The following GPAT3 variants were observed in gnomAD, a reference collection of about 807,000 sequenced individuals.
GPAT3 encodes 1-AGP acyltransferase 9.
In GPAT3, 53 loss-of-function variants were observed where a neutral mutation model predicts 58.8. The ratio of observed to expected loss-of-function variants is 0.90; its 90% CI spans 0.72 to 1.13. The LOEUF is 1.13. GPAT3 is among the 50% of genes most tolerant of loss of function. GPAT3 has a pLI of 0.00. For synonymous variants in GPAT3, 197 were observed against 187.4 expected (o/e 1.05, Z -0.42); for missense variants, 511 against 527.6 (o/e 0.97, Z 0.31).
intron 2 of GPAT3, among the ~76,000 whole-genome samples, chr4:83,556,776 G>A (rs1348757722): frequency 1.4e-4 from 21 of 150,772 alleles, no homozygotes; most frequent in Non-Finnish European, 1.9e-4. Flanking sequence ...TCTCATCTAC[G>A]GTTCTCAAAA....
intron 2 of GPAT3, among the ~76,000 whole-genome samples, chr4:83,551,728 G>A (rs1362367816): frequency 2.0e-5 from 3 of 148,450 alleles, no homozygotes; most frequent in African/African-American, 7.5e-5. Context: ...GGAGGCAGAG[G>A]TTGTAGTGAG....
chr4:83,575,090 A>G (rs900445289), intron 2 of GPAT3, among the ~76,000 whole-genome samples: 1 of 151,758 alleles, frequency 6.6e-6, no homozygotes, highest in Non-Finnish European at 1.5e-5. Flanking sequence ...GTTAGCCAGG[A>G]TGGTCTCGAT....
chr4:83,599,131 C>T (rs528377676), intron 11 of GPAT3, among the ~76,000 whole-genome samples: 1 of 152,070 alleles, frequency 6.6e-6, no homozygotes, highest in African/African-American at 2.4e-5. Context: ...TGTCATTTAT[C>T]ATTCTAGTCA....
At chr4:83,560,535 G>A (rs1345798681) in intron 2 of GPAT3, among the ~76,000 whole-genome samples, 1 of 152,188 alleles carries the variant, frequency 6.6e-6, no homozygotes, top group Non-Finnish European at 1.5e-5. Context: ...ACTGAGGACA[G>A]ATTTTGTGGG....
chr4:83,582,991 C>T (rs1390110376), intron 3 of GPAT3, among the ~76,000 whole-genome samples: 1 of 152,112 alleles, frequency 6.6e-6, no homozygotes. Context: ...TATTAGAGCT[C>T]TTATTTACTA....
chr4:83,593,402 G>A (rs1726685283), intron 6 of GPAT3, among the ~76,000 whole-genome samples: 1 of 152,008 alleles, frequency 6.6e-6, no homozygotes, highest in African/African-American at 2.4e-5. Flanking sequence ...CTGACCTCAA[G>A]TAATCCTCCC....
chr4:83,571,812 A>G (rs1301583336), intron 2 of GPAT3, among the ~76,000 whole-genome samples: 1 of 151,534 alleles, frequency 6.6e-6, no homozygotes, highest in Non-Finnish European at 1.5e-5. Context: ...TCCCTCTTTT[A>G]TCCAGGCTGG....
At chr4:83,545,585 T>G (rs1724476286) in intron 2 of GPAT3, among the ~76,000 whole-genome samples, 2 of 152,216 alleles carry the variant, frequency 1.3e-5, no homozygotes, top group East Asian at 3.8e-4. Context: ...TTGGAGTATT[T>G]TTGTATAATT....
At chr4:83,537,993 G>A (rs2110066657) in intron 1 of GPAT3, among the ~76,000 whole-genome samples, 1 of 152,280 alleles carries the variant, frequency 6.6e-6, no homozygotes, top group Non-Finnish European at 1.5e-5. Context: ...CACCTTAGAA[G>A]GCTGCCTGCA....
intron 9 of GPAT3, among the ~76,000 whole-genome samples, chr4:83,597,846 T>C (rs979013433): frequency 6.6e-6 from 1 of 152,190 alleles, no homozygotes; most frequent in Non-Finnish European, 1.5e-5. Context: ...GTGTGCTCTT[T>C]GGTTCTATTT....
At chr4:83,541,231 T>C (rs1013278079) in intron 1 of GPAT3, among the ~76,000 whole-genome samples, 9 of 151,924 alleles carry the variant, frequency 5.9e-5, no homozygotes, top group African/African-American at 1.9e-4. Context: ...ACTTAAACTT[T>C]GCATATCTTT....
intron 3 of GPAT3, among the ~76,000 whole-genome samples, chr4:83,586,293 G>C (rs1237329484): frequency 6.6e-6 from 1 of 152,156 alleles, no homozygotes; most frequent in African/African-American, 2.4e-5. Flanking sequence ...GCTTCACCCT[G>C]GAGAGGGTTA....
intron 11 of GPAT3, among the ~76,000 whole-genome samples, chr4:83,603,355 A>T (rs961519651): frequency 5.9e-5 from 9 of 152,176 alleles, no homozygotes; most frequent in Admixed American, 3.9e-4. Flanking sequence ...GAGTTCAAAG[A>T]TTTACAGGCT....
intron 2 of GPAT3, among the ~76,000 whole-genome samples, chr4:83,573,132 T>TTTTA (rs919003034): frequency 1.3e-5 from 2 of 152,200 alleles, no homozygotes; most frequent in African/African-American, 4.8e-5. Context: ...TTTTATTTTA[T>TTTTA]TTTATTTATT....
intron 10 of GPAT3, 132 bp from the exon 11 acceptor site, chr4:83,598,512 T>C (rs1726933463): frequency 3.5e-6 from 3 of 859,502 alleles, no homozygotes; most frequent in South Asian, 1.5e-5. Context: ...TTTGCTATGA[T>C]TGATTAAGAA....
intron 8 of GPAT3, among the ~76,000 whole-genome samples, 168 bp from the exon 9 acceptor site, chr4:83,597,262 G>T (rs1726877836): frequency 6.6e-6 from 1 of 152,140 alleles, no homozygotes; most frequent in Admixed American, 6.5e-5. Context: ...TGCTTAGTCA[G>T]AACTATAGGA....
upstream of GPAT3, chr4:83,535,844 A>G: frequency 1.0e-6 from 1 of 985,468 alleles, no homozygotes. Context: ...CACCCACACA[A>G]ACAAGACCTC....
At chr4:83,545,881 A>T (rs949096762) in intron 2 of GPAT3, among the ~76,000 whole-genome samples, 1 of 152,152 alleles carries the variant, frequency 6.6e-6, no homozygotes, top group Non-Finnish European at 1.5e-5. Context: ...GTTGATCTTG[A>T]GAGAAAATCA....
chr4:83,549,444 C>T (rs377485058), intron 2 of GPAT3, among the ~76,000 whole-genome samples: 10 of 145,748 alleles, frequency 6.9e-5, no homozygotes, highest in Non-Finnish European at 1.1e-4. Context: ...TTTTATTTTG[C>T]GTGTGTGTGT....
Sources: gnomAD v4.1 joint callset for allele counts (sites outside exome capture counted in the v4.1 genomes callset) on GRCh38, gnomAD v4.1.1 for gene constraint, MANE v1.5 for transcripts, NCBI Gene and HGNC (gene_info 2026-07-23, HGNC 2026-07-21) for gene names.